Variants in SV2C observed in about 807,000 individuals in gnomAD.
The protein encoded by SV2C is solute carrier family 22 member B3.
SV2C carries 49 observed loss-of-function variants against 79.7 expected under a neutral mutation model. The ratio of observed to expected loss-of-function variants is 0.61; its 90% CI spans 0.49 to 0.78. SV2C has a LOEUF of 0.78. SV2C is among the 30% of genes least tolerant of loss of function. The pLI, the probability that SV2C is intolerant of heterozygous loss-of-function variation, is 0.00. For synonymous variants in SV2C, 334 were observed against 333.2 expected (o/e 1.00, Z -0.03); for missense variants, 833 against 912.9 (o/e 0.91, Z 1.13).
At chr5:76,353,381 T>C (rs1749679836) in exon 13 of SV2C, 2 of 207,878 alleles carry the variant, frequency 9.6e-6, no homozygotes, top group South Asian at 1.1e-4. Context: ...TCCCACAAAG[T>C]GAAGTAACCA....
At chr5:76,351,349 GA>G (rs1490378627) in intron 12 of SV2C, among the ~76,000 whole-genome samples, 1 of 152,094 alleles carries the variant, frequency 6.6e-6, no homozygotes, top group Non-Finnish European at 1.5e-5. Context: ...TCAGGAGGCT[GA>G]AGTGAGAGGA....
intron 4 of SV2C, among the ~76,000 whole-genome samples, chr5:76,273,170 T>C (rs867633056): frequency 6.1e-4 from 75 of 122,002 alleles, no homozygotes; most frequent in East Asian, 4.7e-3. Flanking sequence ...TATATATATA[T>C]ACACACATAT....
chr5:76,216,891 T>C (rs1744919669), intron 4 of SV2C, among the ~76,000 whole-genome samples: 1 of 152,222 alleles, frequency 6.6e-6, no homozygotes, highest in Non-Finnish European at 1.5e-5. Context: ...GCCCAGGCTT[T>C]GGAATTGCTG....
At chr5:75,969,712 T>A in the SV2C span, among the ~76,000 whole-genome samples, 8 of 151,930 alleles carry the variant, frequency 5.3e-5, no homozygotes, top group East Asian at 7.7e-4. Context: ...AGACTCCCAC[T>A]CAATAATAAT....
chr5:76,349,661 T>C (rs1215818288), intron 12 of SV2C, among the ~76,000 whole-genome samples: 1 of 151,126 alleles, frequency 6.6e-6, no homozygotes, highest in East Asian at 1.9e-4. Flanking sequence ...GATGGATTTT[T>C]AGCCTTCATT....
At chr5:76,167,271 A>T (rs1743074165) in intron 2 of SV2C, among the ~76,000 whole-genome samples, 2 of 152,252 alleles carry the variant, frequency 1.3e-5, no homozygotes, top group African/African-American at 4.8e-5. Flanking sequence ...TTTGGGACAT[A>T]GTAATTTTAA....
intron 1 of SV2C, among the ~76,000 whole-genome samples, chr5:76,098,914 A>G (rs1747649451): frequency 6.6e-6 from 1 of 152,204 alleles, no homozygotes; most frequent in Admixed American, 6.5e-5. Context: ...TTGTGGAGGC[A>G]TTGGAGCGCT....
At chr5:76,334,708 G>T (rs1016992198), downstream of SV2C, among the ~76,000 whole-genome samples, 3 of 152,138 alleles carry the variant, frequency 2.0e-5, no homozygotes, top group African/African-American at 7.2e-5. Context: ...AACATTCTCG[G>T]AATCCTCCAG....
chr5:76,261,946 T>C (rs1166352338), intron 4 of SV2C, among the ~76,000 whole-genome samples: 1 of 152,240 alleles, frequency 6.6e-6, no homozygotes, highest in East Asian at 1.9e-4. Context: ...ATCAGGTTGA[T>C]GCTGGCCTCA....
At chr5:75,970,006 AG>A in the SV2C span, among the ~76,000 whole-genome samples, 1 of 152,270 alleles carries the variant, frequency 6.6e-6, no homozygotes, top group East Asian at 1.9e-4. Flanking sequence ...ACTAGAACTC[AG>A]GATTAAGAAA....
chr5:75,879,742 C>T, the SV2C span, among the ~76,000 whole-genome samples: 1 of 152,334 alleles, frequency 6.6e-6, no homozygotes, highest in Admixed American at 6.5e-5. Flanking sequence ...CCCATAGCTC[C>T]ACTAGGCAAT....
intron 2 of SV2C, among the ~76,000 whole-genome samples, chr5:76,191,790 G>C (rs1319663668): frequency 6.6e-6 from 1 of 152,186 alleles, no homozygotes; most frequent in South Asian, 2.1e-4. Context: ...CCAGAACTAT[G>C]GTAGGAAGAG....
chr5:75,947,972 G>A, the SV2C span, among the ~76,000 whole-genome samples: 2 of 151,686 alleles, frequency 1.3e-5, no homozygotes, highest in Non-Finnish European at 2.9e-5. Flanking sequence ...AAAATGACTG[G>A]CAGATCTATA....
chr5:76,166,525 C>T (rs1001167844), intron 2 of SV2C, among the ~76,000 whole-genome samples: 2 of 152,018 alleles, frequency 1.3e-5, no homozygotes, highest in Admixed American at 1.3e-4. Context: ...TATCTAGGAG[C>T]TAGGAATTAA....
At chr5:75,972,145 C>A in the SV2C span, among the ~76,000 whole-genome samples, 74 of 152,222 alleles carry the variant, frequency 4.9e-4, 1 homozygote, top group African/African-American at 1.7e-3. Flanking sequence ...GAAACTGGAT[C>A]CCTTCCTTAC....
chr5:76,291,308 C>CG lies in SV2C; in HGVS notation c.1227dup (p.Ile410AspfsTer23). Reference sequence around the variant, plus strand: ...AACATGGTATAGGAGGTGTTTTGTTCGGATCCGCACCGAGCTGTACGGAGT... The same window carrying CG: ...AACATGGTATAGGAGGTGTTTTGTTCGGGATCCGCACCGAGCTGTACGGAGT... On this transcript the variant is annotated frameshift_variant, in exon 7 of 13. Transcript: ENST00000502798. LOFTEE classifies it high-confidence loss of function. 1 of 1,611,888 alleles carries CG rather than the reference C, an allele frequency of 6.2e-7. No homozygotes were observed. Among genetic ancestry groups the CG allele is most frequent in the Non-Finnish European group, 8.5e-7 (1 of 1,179,210 alleles).
chr5:76,052,734 G>T, the SV2C span, among the ~76,000 whole-genome samples: 1 of 152,148 alleles, frequency 6.6e-6, no homozygotes, highest in African/African-American at 2.4e-5. Flanking sequence ...TTAACACTCA[G>T]TCCCTACAAT....
intron 2 of SV2C, among the ~76,000 whole-genome samples, chr5:76,166,556 T>A (rs1392983829): frequency 1.3e-5 from 2 of 152,204 alleles, no homozygotes; most frequent in Non-Finnish European, 2.9e-5. Flanking sequence ...CCTTTGTAGA[T>A]GTCATCATTT....
the SV2C span, among the ~76,000 whole-genome samples, chr5:75,962,947 A>G: frequency 1.3e-5 from 2 of 152,196 alleles, no homozygotes; most frequent in African/African-American, 4.8e-5. Flanking sequence ...ATGGTTGTGG[A>G]ACAAATACAT....
Sources: gnomAD v4.1 joint callset for allele counts (sites outside exome capture counted in the v4.1 genomes callset) on GRCh38, gnomAD v4.1.1 for gene constraint, MANE v1.5 for transcripts, NCBI Gene and HGNC (gene_info 2026-07-23, HGNC 2026-07-21) for gene names.